Variants in WWTR1 observed in about 807,000 individuals in gnomAD.
The protein encoded by WWTR1 is WW domain-containing transcription regulator protein 1.
WWTR1 carries 13 observed loss-of-function variants against 40.1 expected under a neutral mutation model. The observed-to-expected ratio is 0.32, with a 90% CI of 0.21 to 0.52. The LOEUF (loss-of-function observed/expected upper bound fraction) is 0.52. Among genes scored for constraint, WWTR1 ranks in the 20% least tolerant of loss-of-function variants. The probability of loss-of-function intolerance (pLI) is 0.97; values close to 1 mark genes in which losing one functional copy is unlikely to be tolerated. For missense variants in WWTR1, 436 were observed against 523.1 expected (o/e 0.83, Z 1.63); for synonymous variants, 230 against 210.1 (o/e 1.09, Z -0.82).
intron 3 of WWTR1, among the ~76,000 whole-genome samples, chr3:149,572,358 C>T (rs1200376607): frequency 6.6e-6 from 1 of 152,068 alleles, no homozygotes; most frequent in Non-Finnish European, 1.5e-5. Context: ...TGTAGGCAGT[C>T]GCCAGGAGCC....
rs192543541 is a variant in WWTR1, at chr3:149,552,352, T to A, written c.569-9815A>T. ...GGCACTAAATACATTCTCCCCAAAG[T>A]AAGGTTAAGGGAGGTTAGAAATTGG... On this transcript the variant is annotated intron_variant, in intron 3 of 6. Transcript: ENST00000360632. Among the ~76,000 whole-genome samples, 39 of 109,100 alleles carry A rather than the reference T, an allele frequency of 3.6e-4. 7 individuals carry two copies. In the East Asian group the frequency reaches 0.01, roughly 29 times the overall value. 71.6% of individuals were successfully genotyped at this position (109,100 alleles called of 152,430 possible).
At chr3:149,696,713 C>G (rs13069399) in intron 1 of WWTR1, among the ~76,000 whole-genome samples, 1 of 152,250 alleles carries the variant, frequency 6.6e-6, no homozygotes, top group Admixed American at 6.5e-5. Context: ...TATGGGTTCT[C>G]CCCTGTGGCA....
rs748784098 is a variant in WWTR1 at position 149,542,406 on chromosome 3, T to TCTG, written c.697_699dup (p.Gln233dup). On this transcript the variant is annotated inframe_insertion, in exon 4 of 7. Coordinates refer to ENST00000360632, the MANE Select transcript of WWTR1 (RefSeq NM_015472.6). ...ATCTGGATTCTCTGAAGCCGCAGTTTCTGCTGCTGCTGCTGCTGAGTGGTC... is the reference window on the plus strand; with the variant it reads ...ATCTGGATTCTCTGAAGCCGCAGTTTCTGCTGCTGCTGCTGCTGCTGAGTGGTC... 15 of 1,613,806 alleles carry TCTG rather than the reference T, an allele frequency of 9.3e-6. No individual in the cohort carries two copies. Among genetic ancestry groups the TCTG allele is most frequent in the Admixed American group, 3.3e-5 (2 of 59,970 alleles).
chr3:149,570,002 A>G (rs1013037857), intron 3 of WWTR1, among the ~76,000 whole-genome samples: 3 of 152,216 alleles, frequency 2.0e-5, no homozygotes, highest in Admixed American at 6.5e-5. Context: ...TTATATGTTT[A>G]AAGATATATA....
intron 1 of WWTR1, among the ~76,000 whole-genome samples, chr3:149,695,146 T>C (rs1357088573): frequency 1.3e-5 from 2 of 152,066 alleles, no homozygotes; most frequent in Non-Finnish European, 2.9e-5. Context: ...AGAATGATGA[T>C]TACCAGAGGC....
At chr3:149,624,660 G>A (rs1021469016) in intron 2 of WWTR1, among the ~76,000 whole-genome samples, 6 of 152,038 alleles carry the variant, frequency 3.9e-5, no homozygotes, top group Non-Finnish European at 8.8e-5. Flanking sequence ...GAACTGATAC[G>A]TACTGTTTCT....
At chr3:149,649,389 C>T (rs1044019857) in intron 2 of WWTR1, among the ~76,000 whole-genome samples, 4 of 152,302 alleles carry the variant, frequency 2.6e-5, no homozygotes, top group East Asian at 1.9e-4. Context: ...CCCCTTTCAC[C>T]GTCTAAATCC....
At chr3:149,595,263 C>A (rs968244030) in intron 2 of WWTR1, among the ~76,000 whole-genome samples, 2 of 151,800 alleles carry the variant, frequency 1.3e-5, no homozygotes, top group African/African-American at 4.8e-5. Flanking sequence ...CCCAGCCTTG[C>A]CTATAACTTC....
intron 2 of WWTR1, among the ~76,000 whole-genome samples, chr3:149,664,640 G>A (rs929450766): frequency 8.7e-5 from 13 of 149,978 alleles, no homozygotes; most frequent in Non-Finnish European, 1.0e-4. Flanking sequence ...CCAGGCTGTA[G>A]TGCAATGGCG....
At chr3:149,555,225 G>T (rs2107963261) in intron 3 of WWTR1, among the ~76,000 whole-genome samples, 1 of 152,276 alleles carries the variant, frequency 6.6e-6, no homozygotes, top group East Asian at 1.9e-4. Flanking sequence ...ATGTGTGCAT[G>T]TGTTTTTTAA....
intron 2 of WWTR1, among the ~76,000 whole-genome samples, chr3:149,645,131 G>C (rs1227101206): frequency 1.9e-5 from 2 of 104,832 alleles, no homozygotes; most frequent in Admixed American, 8.8e-5. Context: ...CCAGGCTGGA[G>C]TGCAGTGGCG....
chr3:149,610,005 T>A (rs1315476596), intron 2 of WWTR1, among the ~76,000 whole-genome samples: 1 of 152,212 alleles, frequency 6.6e-6, no homozygotes, highest in Non-Finnish European at 1.5e-5. Flanking sequence ...ATTAATTCAC[T>A]TTTACAATGA....
chr3:149,666,397 G>A (rs1713819496), intron 2 of WWTR1, among the ~76,000 whole-genome samples: 1 of 152,106 alleles, frequency 6.6e-6, no homozygotes, highest in Admixed American at 6.5e-5. Context: ...GCTTAAAAAT[G>A]GCTAAATTTT....
At position 149,527,953 on chromosome 3, in the gene WWTR1, C is replaced by G; in HGVS notation, c.788G>C (p.Arg263Pro). ...AGTCTCAGCTTCCATGGGGAGCTGT[C>G]GACAGAGGGCAGCTTCCTACAGTCA... Reference protein sequence around the residue: ...ELMRQEAALCRQLPMEAETLA... With the variant: ...ELMRQEAALCPQLPMEAETLA... The change falls in exon 5 of 7, where the codon CGA becomes CCA. Residue 263 changes from arginine (R) to proline (P), a missense_variant. Physicochemically the swap from Arg to Pro is moderately radical, Grantham distance 103 (BLOSUM62 -2). Transcript: ENST00000360632. 1 of 1,613,894 alleles carries G rather than the reference C, an allele frequency of 6.2e-7. No homozygotes were observed. The highest frequency in any genetic ancestry group is 8.5e-7 in the Non-Finnish European group (1 of 1,179,942).
intron 4 of WWTR1, among the ~76,000 whole-genome samples, chr3:149,538,475 C>T (rs1011179263): frequency 6.6e-6 from 1 of 152,164 alleles, no homozygotes; most frequent in Non-Finnish European, 1.5e-5. Context: ...CCTGGTACCC[C>T]TCCACTTGAA....
rs1307549814 is a variant in WWTR1 at position 149,552,341 on chromosome 3, TCTCCC to T, written c.569-9809_569-9805del. On this transcript the variant is annotated intron_variant, in intron 3 of 6. Transcript: ENST00000360632. ...GGCACAGAGTAGGCACTAAATACAT[TCTCCC>T]CAAAGTAAGGTTAAGGGAGGTTAGA... 1.2e-4 allele frequency among the ~76,000 whole-genome samples: 13 copies of T among 109,074 alleles called. 1 individual carries two copies. The highest frequency in any genetic ancestry group is 5.8e-4 in the East Asian group (2 of 3,476). 71.6% of individuals were successfully genotyped at this position (109,074 alleles called of 152,430 possible).
intron 3 of WWTR1, among the ~76,000 whole-genome samples, chr3:149,543,751 A>T (rs1470523371): frequency 6.6e-6 from 1 of 151,286 alleles, no homozygotes; most frequent in African/African-American, 2.4e-5. Flanking sequence ...AATGTCATGT[A>T]ATAAAGAAAA....
intron 2 of WWTR1, among the ~76,000 whole-genome samples, chr3:149,663,338 G>T (rs112863268): frequency 5.0e-5 from 5 of 99,326 alleles, no homozygotes; most frequent in Non-Finnish European, 2.3e-5. Context: ...TGTAAAATTC[G>T]CCTCAGAAAT....
intron 2 of WWTR1, among the ~76,000 whole-genome samples, chr3:149,590,519 G>A (rs937256361): frequency 3.3e-5 from 5 of 152,094 alleles, no homozygotes; most frequent in Non-Finnish European, 7.4e-5. Flanking sequence ...GCATGGTGGC[G>A]GGTGTAATCC....
Sources: allele counts gnomAD v4.1 joint callset (sites outside exome capture counted in the v4.1 genomes callset), GRCh38; gene constraint gnomAD v4.1.1; transcripts MANE v1.5; gene names NCBI Gene and HGNC (gene_info 2026-07-23, HGNC 2026-07-21).